Variants in DUSP1 observed in about 807,000 individuals in gnomAD.
DUSP1 encodes dual specificity phosphatase 1, also known as dual specificity protein phosphatase 1.
DUSP1 carries 10 observed loss-of-function variants against 27.4 expected under a neutral mutation model. The ratio of observed to expected loss-of-function variants is 0.37; its 90% CI spans 0.23 to 0.62. The LOEUF (loss-of-function observed/expected upper bound fraction) is 0.62, where lower values mean the gene tolerates loss of function less well. DUSP1 is among the 20% of genes least tolerant of loss of function. The probability of loss-of-function intolerance (pLI) is 0.68; values close to 1 mark genes in which losing one functional copy is unlikely to be tolerated. For missense variants in DUSP1, 425 were observed against 508.1 expected (o/e 0.84, Z 1.57); for synonymous variants, 262 against 223.6 (o/e 1.17, Z -1.53).
chr5:172,770,513 G>A (rs763271149), intron 1 of DUSP1, 73 bp downstream of exon 1: 23 of 1,464,266 alleles, frequency 1.6e-5, no homozygotes, highest in Non-Finnish European at 2.0e-5. Flanking sequence ...GATCCCCCGG[G>A]AGCCGAGAGC....
Position 172,768,574 on chromosome 5 carries a change from G to A in DUSP1, c.*188C>T. The A allele has an allele frequency of 1.4e-6, 1 of 695,190 alleles. No individual in the cohort carries two copies. Among genetic ancestry groups the A allele is most frequent in the Non-Finnish European group, 2.1e-6 (1 of 482,818 alleles). 43.1% of individuals were successfully genotyped at this position (695,190 alleles called of 1,614,324 possible). A position where few individuals can be genotyped will look rare whatever the true frequency, so the allele number is the denominator to read the frequency against. On this transcript the variant is annotated 3_prime_UTR_variant, in exon 4 of 4. Transcript: ENST00000239223. ...TACCCACTATATATTGGTCCCGAAT[G>A]TGCTGAGTTCAGCAAATGTCTTGAC... is the stretch of plus-strand genomic sequence containing the variant.
In DUSP1 at chr5:172,770,194, C is replaced by A; in HGVS notation, c.480G>T (p.Gly160=). ...AGAGTGGGGTACTGCAGGAACTGCA[C>A]CCAGATTCCGCGCTGTCAGGGACGC... ...STSVPDSAES[G]CSSCSTPLYD... The change falls in exon 2 of 4, where the codon GGG becomes GGT. Residue 160 remains glycine (G), a synonymous_variant. Transcript: ENST00000239223. 1 of 1,597,346 alleles carries A rather than the reference C, an allele frequency of 6.3e-7. No individual in the cohort carries two copies. The highest frequency in any genetic ancestry group is 1.8e-5 in the Admixed American group (1 of 54,260).
At position 172,768,816 on chromosome 5, in the gene DUSP1, C is replaced by A; in HGVS notation, c.1050G>T (p.Thr350=). 1 of 1,572,414 alleles carries A rather than the reference C, an allele frequency of 6.4e-7. No individual in the cohort carries two copies. The highest frequency in any genetic ancestry group is 8.6e-7 in the Non-Finnish European group (1 of 1,157,674). ...NFPVSIPVHS[T]NSALSYLQSP... ...TCTGAAGGTAGCTCAGCGCACTGTT[C>A]GTGGAGTGGACAGGGATGGAGACGG... Residue 350 remains threonine, a synonymous_variant, in exon 4 of 4, where the codon ACG becomes ACT. Coordinates refer to ENST00000239223, the MANE Select transcript of DUSP1 (RefSeq NM_004417.4).
Position 172,769,118 on chromosome 5 carries a change from C to T in DUSP1, c.748G>A (p.Ala250Thr). 2 of 1,608,360 alleles carry T rather than the reference C, an allele frequency of 1.2e-6. No individual in the cohort carries two copies. Among genetic ancestry groups the T allele is most frequent in the Non-Finnish European group, 1.7e-6 (2 of 1,178,958 alleles). Reference sequence around the variant, plus strand: ...CAGTGGACAAACACCCTTCCTCCAGCATTCTTGATGGAGTCTGGAAAACCA... The same window carrying T: ...CAGTGGACAAACACCCTTCCTCCAGTATTCTTGATGGAGTCTGGAAAACCA... ...AIDFIDSIKN[A>T]GGRVFVHCQA... The change falls in exon 4 of 4, where the codon GCT becomes ACT. Residue 250 changes from alanine (A) to threonine (T), a missense_variant. This residue lies in a region of DUSP1 where 59 missense variants were observed against 108.4 expected (regional missense o/e 0.54). Transcript: ENST00000239223.
At position 172,768,600 on chromosome 5, in the gene DUSP1, G is replaced by A. The variant is rs879616995; in HGVS notation, c.*162C>T. 4 of 980,550 alleles carry A rather than the reference G, an allele frequency of 4.1e-6. No individual in the cohort carries two copies. The highest frequency in any genetic ancestry group is 5.4e-6 in the Non-Finnish European group (4 of 735,548). 60.7% of individuals were successfully genotyped at this position (980,550 alleles called of 1,614,324 possible). On this transcript the variant is annotated 3_prime_UTR_variant, in exon 4 of 4. Coordinates refer to ENST00000239223, the MANE Select transcript of DUSP1 (RefSeq NM_004417.4). ...TGCTGAGTTCAGCAAATGTCTTGAC[G>A]CTAAGTCATCACCATAACTGCTTAG...
At chr5:172,769,889 C>A in intron 2 of DUSP1, 95 bp from the exon 3 acceptor site, 1 of 1,407,068 alleles carries the variant, frequency 7.1e-7, no homozygotes. Context: ...AAGTCAATTT[C>A]AGATACCGAG....
At chr5:172,770,455 A>C in intron 1 of DUSP1, 131 bp downstream of exon 1, 1 of 1,526,892 alleles carries the variant, frequency 6.5e-7, no homozygotes, top group Non-Finnish European at 8.7e-7. Context: ...GCCAATGACA[A>C]GTTCCAGAGA....
Position 172,771,060 on chromosome 5 carries a change from T to G in DUSP1, c.-108A>C. The G allele has an allele frequency of 7.7e-7, 1 of 1,294,288 alleles. No individual in the cohort carries two copies. Among genetic ancestry groups the G allele is most frequent in the South Asian group, 2.1e-5 (1 of 48,116 alleles). The allele number at this position is 1,294,288 out of a possible 1,614,324, so 80.2% of individuals were successfully genotyped here. A position where few individuals can be genotyped will look rare whatever the true frequency, so the allele number is the denominator to read the frequency against. Reference sequence around the variant, plus strand: ...CGAGGAAAAGCTAGACCCCCGGGTCTCTCTGCGCCGAACCAAAAGCCGCTT... The same window carrying G: ...CGAGGAAAAGCTAGACCCCCGGGTCGCTCTGCGCCGAACCAAAAGCCGCTT... On this transcript the variant is annotated 5_prime_UTR_variant, in exon 1 of 4. Transcript: ENST00000239223.
rs1266769748 is a variant in DUSP1, at chr5:172,768,713, G to A, written c.*49C>T. 7 of 1,474,296 alleles carry A rather than the reference G, an allele frequency of 4.7e-6. No individual in the cohort carries two copies. The South Asian group carries it at 5.9e-5, about 12-fold the overall frequency. 91.3% of individuals were successfully genotyped at this position (1,474,296 alleles called of 1,614,324 possible). ...GAGTTATTGCATTTCTCCTCTCAAGGAGCATGGAGTCCCAATGGGATGTGA... is the reference window on the plus strand; with the variant it reads ...GAGTTATTGCATTTCTCCTCTCAAGAAGCATGGAGTCCCAATGGGATGTGA... On this transcript the variant is annotated 3_prime_UTR_variant, in exon 4 of 4. Transcript: ENST00000239223.
At position 172,770,737 on chromosome 5, in the gene DUSP1, G is replaced by C; in HGVS notation, c.216C>G (p.Arg72=). Residue 72 remains arginine (R), a synonymous_variant, in exon 1 of 4, where the codon CGC becomes CGG. Coordinates refer to ENST00000239223, the MANE Select transcript of DUSP1 (RefSeq NM_004417.4). The part of the protein sequence containing the change: ...LEHIVPNAEL[R]GRLLAGAYHA... ...GGTAGGCGCCGGCCAGCAGGCGGCC[G>C]CGGAGCTCGGCGTTGGGCACGATGT... 7.0e-7 allele frequency: 1 copy of C among 1,422,378 alleles called. No individual in the cohort carries two copies. Among genetic ancestry groups the C allele is most frequent in the African/African-American group, 1.5e-5 (1 of 66,728 alleles). 88.1% of individuals were successfully genotyped at this position (1,422,378 alleles called of 1,614,324 possible).
rs113435792 is a variant in DUSP1 at position 172,771,025 on chromosome 5, C to A, written c.-73G>T. On this transcript the variant is annotated 5_prime_UTR_variant, in exon 1 of 4. Transcript: ENST00000239223. ...TCTGTTCTCGGGGCCAAGGGCAGGG[C>A]GGCGCTTTTCGAGGAAAAGCTAGAC... is the stretch of plus-strand genomic sequence containing the variant. 7.7e-7 allele frequency: 1 copy of A among 1,306,838 alleles called. No individual in the cohort carries two copies. 81.0% of individuals were successfully genotyped at this position (1,306,838 alleles called of 1,614,324 possible).
At position 172,768,309 on chromosome 5, in the gene DUSP1, TCAAAAA is replaced by T. The variant is rs1375978016; in HGVS notation, c.*447_*452del. ...ATATATTTACAGGATAGTACAGTAC[TCAAAAA>T]CAAAAATTGAGGTATTTGGTTCTTC... is the stretch of plus-strand genomic sequence containing the variant. On this transcript the variant is annotated 3_prime_UTR_variant, in exon 4 of 4. Coordinates refer to ENST00000239223, the MANE Select transcript of DUSP1 (RefSeq NM_004417.4). The T allele has an allele frequency of 6.5e-6, 1 of 154,062 alleles. No individual in the cohort carries two copies. Among genetic ancestry groups the T allele is most frequent in the Non-Finnish European group, 1.4e-5 (1 of 68,966 alleles). 9.5% of individuals were successfully genotyped at this position (154,062 alleles called of 1,614,324 possible). A position where few individuals can be genotyped will look rare whatever the true frequency, so the allele number is the denominator to read the frequency against.
rs1759873582 is a variant in DUSP1 at position 172,770,617 on chromosome 5, C to G, written c.336G>C (p.Glu112Asp). The G allele has an allele frequency of 1.5e-6, 2 of 1,337,282 alleles. No individual in the cohort carries two copies. Among genetic ancestry groups the G allele is most frequent in the East Asian group, 5.8e-5 (2 of 34,350 alleles). The allele number at this position is 1,337,282 out of a possible 1,614,324, so 82.8% of individuals were successfully genotyped here. The part of the protein sequence containing the change: ...LALAAGALCR[E>D]ARAAQVFFLK... Reference sequence around the variant, plus strand: ...GGAAGAAGACTTGCGCGGCGCGCGCCTCGCGGCAGAGCGCGCCGGCCGCCA... The same window carrying G: ...GGAAGAAGACTTGCGCGGCGCGCGCGTCGCGGCAGAGCGCGCCGGCCGCCA... The change falls in exon 1 of 4, where the codon GAG (glutamate) becomes GAC (aspartate). Residue 112 changes from glutamate (E) to aspartate (D), a missense_variant. By Grantham distance (45) the Glu-to-Asp change is conservative (BLOSUM62 2). This residue lies in a region of DUSP1 where 282 missense variants were observed against 319.3 expected (regional missense o/e 0.88). Transcript: ENST00000239223.
In DUSP1 at chr5:172,770,279, C is replaced by A. The variant is rs368156157; in HGVS notation, c.395G>T (p.Cys132Phe). Residue 132 changes from cysteine (C) to phenylalanine (F), a missense_variant, in exon 2 of 4, where the codon TGC becomes TTC. By Grantham distance (205) the Cys-to-Phe change is radical. Transcript: ENST00000239223. ...CGACTGTTTGCTGCACAGCTCCGGGCAGGAAGCCGAAAACGCTTCGTATCC... is the reference window on the plus strand; with the variant it reads ...CGACTGTTTGCTGCACAGCTCCGGGAAGGAAGCCGAAAACGCTTCGTATCC... ...KGGYEAFSAS[C>F]PELCSKQSTP... The A allele has an allele frequency of 1.2e-6, 2 of 1,611,436 alleles. No homozygotes were observed. The highest frequency in any genetic ancestry group is 2.2e-5 in the East Asian group (1 of 44,628).
In DUSP1 at chr5:172,769,000, T is replaced by C; in HGVS notation, c.866A>G (p.Lys289Arg). 1 of 1,614,216 alleles carries C rather than the reference T, an allele frequency of 6.2e-7. No individual in the cohort carries two copies. Among genetic ancestry groups the C allele is most frequent in the Non-Finnish European group, 8.5e-7 (1 of 1,180,044 alleles). ...VKLDEAFEFV[K>R]QRRSIISPNF... ...GGGAGAGATGATGCTTCGCCTCTGC[T>C]TCACAAACTCAAAGGCCTCGTCCAG... is the stretch of plus-strand genomic sequence containing the variant. The change falls in exon 4 of 4, where the codon AAG becomes AGG. Residue 289 changes from lysine to arginine, a missense_variant. By Grantham distance (26) the Lys-to-Arg change is conservative (BLOSUM62 2). This residue lies in a region of DUSP1 where 59 missense variants were observed against 108.4 expected (regional missense o/e 0.54). Transcript: ENST00000239223.
In DUSP1 at chr5:172,770,789, C is replaced by T; in HGVS notation, c.164G>A (p.Arg55Gln). The change falls in exon 1 of 4, where the codon CGG becomes CAG. Residue 55 changes from arginine (R) to glutamine (Q), a missense_variant. Coordinates refer to ENST00000239223, the MANE Select transcript of DUSP1 (RefSeq NM_004417.4). ...NVRFSTIVRRRAKGAMGLEHI... is the reference protein window; with the variant it reads ...NVRFSTIVRRQAKGAMGLEHI... ...CTCCAGGCCCATGGCGCCCTTGGCCCGGCGCCGCACGATGGTGCTGAAGCG... is the reference window on the plus strand; with the variant it reads ...CTCCAGGCCCATGGCGCCCTTGGCCTGGCGCCGCACGATGGTGCTGAAGCG... The T allele has an allele frequency of 6.6e-7, 1 of 1,506,172 alleles. No individual in the cohort carries two copies. The highest frequency in any genetic ancestry group is 8.8e-7 in the Non-Finnish European group (1 of 1,133,324). 93.3% of individuals were successfully genotyped at this position (1,506,172 alleles called of 1,614,324 possible). A position where few individuals can be genotyped will look rare whatever the true frequency, so the allele number is the denominator to read the frequency against.
At chr5:172,769,508 A>T in intron 3 of DUSP1, 67 bp downstream of exon 3, 1 of 1,558,558 alleles carries the variant, frequency 6.4e-7, no homozygotes, top group Non-Finnish European at 8.8e-7. Context: ...CTTGCCACAG[A>T]GGTTGGGCTT....
Position 172,770,647 on chromosome 5 carries a change from C to T in DUSP1, c.306G>A (p.Leu102=). The change falls in exon 1 of 4, where the codon CTG becomes CTA. Residue 102 remains leucine (L), a synonymous_variant. Transcript: ENST00000239223. ...ALDGAKRDGT[L]ALAAGALCRE... is the part of the protein sequence containing the mutation. Reference sequence around the variant, plus strand: ...GGCAGAGCGCGCCGGCCGCCAGGGCCAGGGTGCCGTCGCGCTTGGCGCCGT... The same window carrying T: ...GGCAGAGCGCGCCGGCCGCCAGGGCTAGGGTGCCGTCGCGCTTGGCGCCGT... The T allele has an allele frequency of 2.3e-6, 3 of 1,311,970 alleles. No individual in the cohort carries two copies. In the South Asian group the frequency reaches 7.0e-5, roughly 31 times the overall value. 81.3% of individuals were successfully genotyped at this position (1,311,970 alleles called of 1,614,324 possible). A position where few individuals can be genotyped will look rare whatever the true frequency, so the allele number is the denominator to read the frequency against.
rs1255249281 is a variant in DUSP1 at position 172,769,704 on chromosome 5, C to A, written c.604G>T (p.Ala202Ser). Reference sequence around the variant, plus strand: ...CAATTGGCTGAGACGTTGATCAAGGCAGTGATGCCCAAGGCATCCAGCATG... The same window carrying A: ...CAATTGGCTGAGACGTTGATCAAGGAAGTGATGCCCAAGGCATCCAGCATG... ...KDMLDALGIT[A>S]LINVSANCPN... Residue 202 changes from alanine (A) to serine (S), a missense_variant, in exon 3 of 4, where the codon GCC becomes TCC. Ala to Ser is a moderately conservative substitution (Grantham distance 99, BLOSUM62 1). Transcript: ENST00000239223. 6.2e-7 allele frequency: 1 copy of A among 1,614,252 alleles called. No individual in the cohort carries two copies. Among genetic ancestry groups the A allele is most frequent in the Non-Finnish European group, 8.5e-7 (1 of 1,180,046 alleles).
Sources: allele counts gnomAD v4.1 joint callset, GRCh38; gene constraint gnomAD v4.1.1; regional missense constraint gnomAD v4.1.1; transcripts MANE v1.5; gene names NCBI Gene and HGNC (gene_info 2026-07-23, HGNC 2026-07-21).